The following XPO1 variants were observed in gnomAD, a reference collection of about 807,000 sequenced individuals.
XPO1 encodes the protein exportin 1.
In XPO1, 5 loss-of-function variants were observed where a neutral mutation model predicts 133.3. The ratio of observed to expected loss-of-function variants is 0.04; its 90% CI spans 0.02 to 0.08. The LOEUF (loss-of-function observed/expected upper bound fraction) is 0.08, where lower values mean the gene tolerates loss of function less well. Among genes scored for constraint, XPO1 ranks in the 10% least tolerant of loss-of-function variants. The probability of loss-of-function intolerance (pLI) is 1.00; values close to 1 mark genes in which losing one functional copy is unlikely to be tolerated. For synonymous variants in XPO1, 419 were observed against 408.2 expected (o/e 1.03, Z -0.32); for missense variants, 506 against 1,267.5 (o/e 0.40, Z 9.12).
chr2:61,518,464 A>ACACACACACACACAC (rs1698519799), intron 4 of XPO1, among the ~76,000 whole-genome samples: 1 of 144,546 alleles, frequency 6.9e-6, no homozygotes, highest in African/African-American at 2.6e-5. Flanking sequence ...ACACACACAC[A>ACACACACACACACAC]AAGTTAGCCG....
At chr2:61,483,603 A>G (rs1166867428) in intron 21 of XPO1, 1 of 189,358 alleles carries the variant, frequency 5.3e-6, no homozygotes, top group East Asian at 1.3e-4. Context: ...GAAAAAAATT[A>G]CAATCTAAGT....
chr2:61,498,575 G>T, intron 9 of XPO1, 98 bp downstream of exon 9: 1 of 1,468,128 alleles, frequency 6.8e-7, no homozygotes, highest in Non-Finnish European at 9.2e-7. Flanking sequence ...TTAGAAACAA[G>T]GTTGAATAAG....
intron 4 of XPO1, among the ~76,000 whole-genome samples, chr2:61,522,336 C>T (rs1451233895): frequency 3.9e-5 from 6 of 152,170 alleles, no homozygotes; most frequent in African/African-American, 1.2e-4. Flanking sequence ...GGATTACAGG[C>T]GTGGGCCACT....
At chr2:61,534,134 GT>G in intron 1 of XPO1, 1 of 356,234 alleles carries the variant, frequency 2.8e-6, no homozygotes, top group Non-Finnish European at 5.0e-6. Flanking sequence ...CTAGTGTTTA[GT>G]TTATACACCA....
chr2:61,499,953 C>T lies in XPO1; in HGVS notation c.409-59G>A, dbSNP rs559106774. 4.6e-6 allele frequency: 7 copies of T among 1,514,190 alleles called. No individual in the cohort carries two copies. The South Asian group carries it at 8.5e-5, about 18-fold the overall frequency. The allele number at this position is 1,514,190 out of a possible 1,614,324, so 93.8% of individuals were successfully genotyped here. On this transcript the variant is annotated intron_variant, in intron 6 of 24. Coordinates refer to ENST00000401558, the MANE Select transcript of XPO1 (RefSeq NM_003400.4). The stretch of plus-strand genomic sequence containing the variant: ...ATTTCTCAAAGGCAAATAAAACAAA[C>T]TTCAAAGAAATTATGTAATGGATAA...
chr2:61,501,699 G>A (rs1697529496), intron 6 of XPO1, among the ~76,000 whole-genome samples: 2 of 142,588 alleles, frequency 1.4e-5, no homozygotes, highest in Middle Eastern at 4.1e-3. Context: ...CTCCAGCCTG[G>A]GCAACAGAGG....
At chr2:61,526,942 A>G (rs1698930815) in intron 2 of XPO1, among the ~76,000 whole-genome samples, 1 of 152,090 alleles carries the variant, frequency 6.6e-6, no homozygotes, top group South Asian at 2.1e-4. Flanking sequence ...TCCTGACCTC[A>G]GGTGATCTGC....
chr2:61,514,659 T>A (rs1698272375), intron 4 of XPO1, among the ~76,000 whole-genome samples: 1 of 149,660 alleles, frequency 6.7e-6, no homozygotes, highest in African/African-American at 2.5e-5. Context: ...TGCACTACAA[T>A]AGCCAAACTA....
chr2:61,506,562 G>A (rs1697824520), intron 4 of XPO1, among the ~76,000 whole-genome samples: 1 of 136,376 alleles, frequency 7.3e-6, no homozygotes, highest in Non-Finnish European at 1.5e-5. Context: ...TCGTGCCACT[G>A]CACTCCAGTC....
At chr2:61,499,263 T>A (rs887912544) in intron 7 of XPO1, among the ~76,000 whole-genome samples, 3 of 152,170 alleles carry the variant, frequency 2.0e-5, no homozygotes, top group Non-Finnish European at 4.4e-5. Flanking sequence ...ATAACTGATT[T>A]GAGGCCAGGC....
At chr2:61,535,714 G>A (rs1005419635) in intron 1 of XPO1, among the ~76,000 whole-genome samples, 1 of 152,088 alleles carries the variant, frequency 6.6e-6, no homozygotes, top group Non-Finnish European at 1.5e-5. Context: ...GTCCATTATT[G>A]ACAAAACTGA....
At chr2:61,524,783 T>G (rs1302435846) in intron 3 of XPO1, among the ~76,000 whole-genome samples, 1 of 152,146 alleles carries the variant, frequency 6.6e-6, no homozygotes, top group Non-Finnish European at 1.5e-5. Flanking sequence ...CGAGGCATGG[T>G]GACACGCACC....
chr2:61,502,130 C>A, intron 5 of XPO1, 90 bp from the exon 6 acceptor site: 1 of 1,497,436 alleles, frequency 6.7e-7, no homozygotes. Flanking sequence ...TACAGCTCTA[C>A]TGTAAATGAC....
intron 17 of XPO1, among the ~76,000 whole-genome samples, chr2:61,490,229 T>C (rs1004108026): frequency 4.0e-5 from 6 of 150,900 alleles, no homozygotes; most frequent in Admixed American, 3.3e-4. Flanking sequence ...GACAGAGTCT[T>C]GCTCTGTCGT....
intron 24 of XPO1, chr2:61,480,651 TTG>T (rs1402905991): frequency 1.8e-4 from 27 of 152,292 alleles, no homozygotes; most frequent in African/African-American, 6.3e-4. Flanking sequence ...CCTTTGTATT[TTG>T]GAGAAAATAT....
At position 61,502,238 on chromosome 2, in the gene XPO1, T is replaced by TAA. The variant is rs1478660541; in HGVS notation, c.363+9_363+10dup. ...TATGCTCTCCCAATAAGCTCCAAAA[T>TAA]AAACTCTTACCTCTACACAAGTTGG... is the stretch of plus-strand genomic sequence containing the variant. On this transcript the variant is annotated intron_variant, in intron 5 of 24. Transcript: ENST00000401558. 6.2e-7 allele frequency: 1 copy of TAA among 1,609,438 alleles called. No homozygotes were observed. The highest frequency in any genetic ancestry group is 8.5e-7 in the Non-Finnish European group (1 of 1,178,976).
intron 2 of XPO1, among the ~76,000 whole-genome samples, chr2:61,528,738 TATA>T (rs1558679574): frequency 9.4e-4 from 4 of 4,234 alleles, no homozygotes; most frequent in East Asian, 0.013. Context: ...TTTATTTATA[TATA>T]TATATATATA....
chr2:61,502,149 CAT>C, intron 5 of XPO1, 98 bp downstream of exon 5: 3 of 1,512,362 alleles, frequency 2.0e-6, no homozygotes, highest in Non-Finnish European at 1.8e-6. Flanking sequence ...ACTGACTGTG[CAT>C]ATGTGTGACT....
chr2:61,514,060 AC>A, intron 4 of XPO1, among the ~76,000 whole-genome samples: 1 of 151,498 alleles, frequency 6.6e-6, no homozygotes. Flanking sequence ...GGTGGTGCAT[AC>A]CTGTAATCCC....
Sources: allele counts gnomAD v4.1 joint callset (sites outside exome capture counted in the v4.1 genomes callset), GRCh38; gene constraint gnomAD v4.1.1; transcripts MANE v1.5; gene names NCBI Gene and HGNC (gene_info 2026-07-23, HGNC 2026-07-21).